Variants in CACNB2 observed in about 807,000 individuals in gnomAD.
CACNB2 encodes voltage-dependent L-type calcium channel subunit beta-2.
Under a neutral mutation model 73.3 loss-of-function variants are expected in CACNB2, and 42 were observed. The observed-to-expected ratio is 0.57, with a 90% CI of 0.45 to 0.74. The LOEUF (loss-of-function observed/expected upper bound fraction) is 0.74, where lower values mean the gene tolerates loss of function less well. Ranked by LOEUF, CACNB2 falls within the 30% of genes least tolerant of loss-of-function variation. The probability of loss-of-function intolerance (pLI) is 0.00; values close to 1 mark genes in which losing one functional copy is unlikely to be tolerated. For missense variants in CACNB2, 940 were observed against 853.0 expected (o/e 1.10, Z -1.27); for synonymous variants, 348 against 310.3 (o/e 1.12, Z -1.28).
At chr10:18,413,064 G>A (rs947013110) in intron 3 of CACNB2, among the ~76,000 whole-genome samples, 2 of 152,144 alleles carry the variant, frequency 1.3e-5, no homozygotes, top group Non-Finnish European at 1.5e-5. Flanking sequence ...TCTGCCCCCC[G>A]GGTTCAAGTC....
At chr10:18,141,069 C>G in intron 1 of CACNB2, 2 of 1,547,824 alleles carry the variant, frequency 1.3e-6, no homozygotes, top group Non-Finnish European at 1.7e-6. Context: ...TCTCTGCTTC[C>G]GAAAAGCCAG....
At chr10:18,338,665 T>TTC (rs200674404) in intron 2 of CACNB2, among the ~76,000 whole-genome samples, 72,037 of 147,224 alleles carry the variant, frequency 0.49, 19,092 homozygotes, top group African/African-American at 0.7. Flanking sequence ...CTCTTTTTCT[T>TTC]TTTTTCTCTC....
intron 2 of CACNB2, among the ~76,000 whole-genome samples, chr10:18,318,834 A>G (rs1350746045): frequency 6.6e-6 from 1 of 152,246 alleles, no homozygotes. Flanking sequence ...TATGAGGCCA[A>G]CAAACATATT....
At chr10:18,303,346 T>A (rs1027936223) in intron 2 of CACNB2, among the ~76,000 whole-genome samples, 2 of 151,980 alleles carry the variant, frequency 1.3e-5, no homozygotes, top group African/African-American at 4.8e-5. Context: ...CTGCAAATAA[T>A]AATTAAAAGT....
At chr10:18,234,066 A>G (rs1367485579) in intron 2 of CACNB2, 1 of 151,822 alleles carries the variant, frequency 6.6e-6, no homozygotes, top group Non-Finnish European at 1.5e-5. Flanking sequence ...AGGGCTGGGC[A>G]GTGGGCCAGC....
At chr10:18,296,711 G>A (rs2039294048) in intron 2 of CACNB2, among the ~76,000 whole-genome samples, 1 of 152,180 alleles carries the variant, frequency 6.6e-6, no homozygotes, top group African/African-American at 2.4e-5. Flanking sequence ...AAGGGAACAA[G>A]TCATCAGTTC....
intron 2 of CACNB2, among the ~76,000 whole-genome samples, chr10:18,263,139 T>A (rs1308753859): frequency 6.6e-6 from 1 of 152,172 alleles, no homozygotes; most frequent in African/African-American, 2.4e-5. Context: ...TAACCTCTCT[T>A]CTTTGACACT....
intron 2 of CACNB2, among the ~76,000 whole-genome samples, chr10:18,349,990 T>C (rs2041638515): frequency 6.6e-6 from 1 of 152,180 alleles, no homozygotes; most frequent in Non-Finnish European, 1.5e-5. Flanking sequence ...ATGCCTGTAA[T>C]CCCAGCACTT....
At chr10:18,484,565 A>G (rs950071726) in intron 3 of CACNB2, among the ~76,000 whole-genome samples, 14 of 152,186 alleles carry the variant, frequency 9.2e-5, no homozygotes, top group African/African-American at 3.1e-4. Flanking sequence ...AGGGAAGAAG[A>G]GAGTGCTCAA....
intron 2 of CACNB2, among the ~76,000 whole-genome samples, chr10:18,262,527 G>A (rs1588879993): frequency 6.6e-6 from 1 of 152,150 alleles, no homozygotes; most frequent in Non-Finnish European, 1.5e-5. Context: ...TTCTAAAGAC[G>A]ACATCTGCAG....
intron 3 of CACNB2, among the ~76,000 whole-genome samples, chr10:18,470,836 A>C (rs2048150612): frequency 1.3e-5 from 2 of 152,044 alleles, no homozygotes; most frequent in African/African-American, 4.8e-5. Flanking sequence ...GATAAAGGAA[A>C]CCATCTGTCC....
At chr10:18,285,960 G>A (rs1364678895) in intron 2 of CACNB2, among the ~76,000 whole-genome samples, 3 of 152,164 alleles carry the variant, frequency 2.0e-5, no homozygotes, top group Non-Finnish European at 4.4e-5. Context: ...TAAGAAATTT[G>A]TAGAATCACA....
chr10:18,254,915 CT>C (rs2037221227), intron 2 of CACNB2, among the ~76,000 whole-genome samples: 1 of 152,240 alleles, frequency 6.6e-6, no homozygotes, highest in Non-Finnish European at 1.5e-5. Flanking sequence ...TTTTCTGTTT[CT>C]GTCCTTGCAC....
intron 2 of CACNB2, among the ~76,000 whole-genome samples, chr10:18,232,502 A>T (rs774301929): frequency 1.4e-4 from 21 of 152,190 alleles, no homozygotes; most frequent in Non-Finnish European, 3.1e-4. Flanking sequence ...CATGGTTTGC[A>T]GTGTTTAATA....
At chr10:18,497,421 GT>G (rs1035994658) in intron 3 of CACNB2, among the ~76,000 whole-genome samples, 1 of 151,832 alleles carries the variant, frequency 6.6e-6, no homozygotes, top group Non-Finnish European at 1.5e-5. Context: ...GGTTTGATTT[GT>G]TTTTTTCTTT....
rs113118515 is a variant in CACNB2 at position 18,479,933 on chromosome 10, C to G, written c.334-18422C>G. 5.9e-3 allele frequency among the ~76,000 whole-genome samples: 898 copies of G among 152,198 alleles called. 6 individuals carry two copies. Among genetic ancestry groups the G allele is most frequent in the African/African-American group, 0.02 (817 of 41,552 alleles). On this transcript the variant is annotated intron_variant, in intron 3 of 13. Coordinates refer to ENST00000324631, the MANE Select transcript of CACNB2 (RefSeq NM_201596.3). ...ACAGCTCATTACTTTTAGAGTCAAG[C>G]ATTGTTTTTAATTTAAAAATGTTAT...
intron 6 of CACNB2, among the ~76,000 whole-genome samples, chr10:18,512,953 T>C (rs1420134439): frequency 1.3e-5 from 2 of 152,188 alleles, no homozygotes. Flanking sequence ...GGGCCCTTTT[T>C]GTTGACCGAC....
At chr10:18,478,352 T>C (rs1437301102) in intron 3 of CACNB2, among the ~76,000 whole-genome samples, 1 of 152,258 alleles carries the variant, frequency 6.6e-6, no homozygotes, top group Admixed American at 6.5e-5. Context: ...TTATATGTTT[T>C]GTGATTTTCA....
At chr10:18,420,660 A>G (rs752047229) in intron 3 of CACNB2, among the ~76,000 whole-genome samples, 6 of 152,132 alleles carry the variant, frequency 3.9e-5, no homozygotes, top group Non-Finnish European at 7.3e-5. Context: ...TTTCACCCCA[A>G]ACACCCTCAC....
Sources: gnomAD v4.1 joint callset for allele counts (sites outside exome capture counted in the v4.1 genomes callset) on GRCh38, gnomAD v4.1.1 for gene constraint, MANE v1.5 for transcripts, NCBI Gene and HGNC (gene_info 2026-07-23, HGNC 2026-07-21) for gene names.